The following NAV1 variants were observed in gnomAD, a reference collection of about 807,000 sequenced individuals.
NAV1 encodes the protein pore membrane and/or filament interacting like protein 3.
Under a neutral mutation model 175.2 loss-of-function variants are expected in NAV1, and 18 were observed. That is an observed-to-expected ratio of 0.10 (90% CI 0.07 to 0.15). The LOEUF (loss-of-function observed/expected upper bound fraction) is 0.15, where lower values mean the gene tolerates loss of function less well. Ranked by LOEUF, NAV1 falls within the 10% of genes least tolerant of loss-of-function variation. The pLI is 1.00. For missense variants in NAV1, 1,731 were observed against 2,436.6 expected (o/e 0.71, Z 6.10); for synonymous variants, 897 against 978.7 (o/e 0.92, Z 1.56).
At chr1:201,550,876 G>C (rs1211776265) in intron 1 of NAV1, among the ~76,000 whole-genome samples, 1 of 152,228 alleles carries the variant, frequency 6.6e-6, no homozygotes, top group African/African-American at 2.4e-5. Context: ...ACCTGACCCA[G>C]AGGATGGAGG....
chr1:201,749,120 C>G (rs1229772527), intron 3 of NAV1, among the ~76,000 whole-genome samples: 1 of 152,122 alleles, frequency 6.6e-6, no homozygotes, highest in Non-Finnish European at 1.5e-5. Flanking sequence ...TGCACTCCAG[C>G]CTGGGCAACA....
chr1:201,637,075 G>A (rs1314766591), intron 2 of NAV1, among the ~76,000 whole-genome samples: 1 of 152,180 alleles, frequency 6.6e-6, no homozygotes, highest in Non-Finnish European at 1.5e-5. Flanking sequence ...ATTGAAATAT[G>A]AGTCCATGGC....
intron 3 of NAV1, among the ~76,000 whole-genome samples, chr1:201,749,611 A>G (rs1673979485): frequency 1.3e-5 from 2 of 152,270 alleles, no homozygotes; most frequent in African/African-American, 2.4e-5. Flanking sequence ...CTTGGATAAT[A>G]TAATTATTAC....
At chr1:201,753,973 G>A (rs984504966) in intron 3 of NAV1, among the ~76,000 whole-genome samples, 4 of 152,222 alleles carry the variant, frequency 2.6e-5, no homozygotes, top group African/African-American at 4.8e-5. Flanking sequence ...GAAGGGGAAA[G>A]TGAAGGAAAG....
At chr1:201,608,817 C>T (rs1667765914) in intron 2 of NAV1, among the ~76,000 whole-genome samples, 1 of 152,168 alleles carries the variant, frequency 6.6e-6, no homozygotes, top group Non-Finnish European at 1.5e-5. Flanking sequence ...GACTACCACA[C>T]GAATGTGCTG....
chr1:201,605,358 G>GA (rs1226951701), intron 2 of NAV1, among the ~76,000 whole-genome samples: 1 of 151,554 alleles, frequency 6.6e-6, no homozygotes, highest in Non-Finnish European at 1.5e-5. Flanking sequence ...CCAAAAGAGA[G>GA]AAAAAAAAGT....
chr1:201,541,372 C>G (rs1258012317), intron 1 of NAV1, among the ~76,000 whole-genome samples: 1 of 152,166 alleles, frequency 6.6e-6, no homozygotes, highest in Non-Finnish European at 1.5e-5. Context: ...CCCTCTACTT[C>G]TTTTTCCCTC....
chr1:201,767,759 C>T (rs1350833712), intron 3 of NAV1, among the ~76,000 whole-genome samples: 1 of 152,116 alleles, frequency 6.6e-6, no homozygotes, highest in Non-Finnish European at 1.5e-5. Context: ...TGGAACATCA[C>T]TTGCTAATTT....
intron 2 of NAV1, among the ~76,000 whole-genome samples, chr1:201,617,324 T>C (rs1668034201): frequency 6.6e-6 from 1 of 152,072 alleles, no homozygotes; most frequent in Admixed American, 6.6e-5. Flanking sequence ...CCTCCAGCTC[T>C]ACCCCTAAAC....
intron 1 of NAV1, among the ~76,000 whole-genome samples, chr1:201,628,619 C>A (rs959075147): frequency 2.0e-5 from 3 of 152,216 alleles, no homozygotes; most frequent in Non-Finnish European, 4.4e-5. Flanking sequence ...CTCCCCTCCC[C>A]CTCCTGCCAA....
chr1:201,817,202 G>A lies in NAV1; in HGVS notation c.5455G>A (p.Val1819Met), dbSNP rs147243092. 6.4e-4 allele frequency: 1,026 copies of A among 1,613,956 alleles called. 3 individuals are homozygous for A. Among genetic ancestry groups the A allele is most frequent in the Non-Finnish European group, 8.2e-4 (970 of 1,180,006 alleles). ...GCTGTACCACCTGCCCCCACCCACC[G>A]TGGGCCCTCACAGCATTGCCTCACC... The change falls in exon 29 of 30, where the codon GTG becomes ATG. Residue 1819 changes from valine (V) to methionine (M), a missense_variant. Val to Met is a conservative substitution (Grantham distance 21). Around this residue, in one of 13 missense-constraint regions of NAV1, gnomAD observed 30 missense variants for 97.3 expected, o/e 0.31. Transcript: ENST00000367296.
rs150659355 is a variant in NAV1 at position 201,734,675 on chromosome 1, C to T, written c.1226+15920C>T. Among the ~76,000 whole-genome samples the T allele has an allele frequency of 8.7e-4, 133 of 152,172 alleles. 1 individual carries two copies. The East Asian group carries it at 0.012, about 14-fold the overall frequency. On this transcript the variant is annotated intron_variant, in intron 3 of 29. Transcript: ENST00000367296. Reference sequence around the variant, plus strand: ...GATCTGAAATGATTGCTCCTGGCCTCTCGAGGTGGAGGGTTTGTACACACA... The same window carrying T: ...GATCTGAAATGATTGCTCCTGGCCTTTCGAGGTGGAGGGTTTGTACACACA...
chr1:201,743,952 T>G (rs1344968536), intron 3 of NAV1, among the ~76,000 whole-genome samples: 1 of 152,222 alleles, frequency 6.6e-6, no homozygotes. Context: ...TGGCATGATC[T>G]CAGCTCACCG....
chr1:201,756,046 GC>G (rs1674438436), intron 3 of NAV1, among the ~76,000 whole-genome samples: 2 of 150,536 alleles, frequency 1.3e-5, no homozygotes, highest in African/African-American at 4.9e-5. Flanking sequence ...GTCAGAGGTT[GC>G]AGTGAGCTGA....
At position 201,654,145 on chromosome 1, in the gene NAV1, A is replaced by G. The variant is rs1669309396; in HGVS notation, c.757+4720A>G. Among the ~76,000 whole-genome samples the G allele has an allele frequency of 2.6e-5, 4 of 152,168 alleles. No individual in the cohort carries two copies. The South Asian group carries it at 8.3e-4, about 32-fold the overall frequency. On this transcript the variant is annotated intron_variant, in intron 1 of 29. Coordinates refer to ENST00000367296, the Ensembl canonical transcript of NAV1. ...TTCCTCTGCCCTGGGGAGAAGGTAC[A>G]GATGGAGGAGAAGTACCCAGAGCTA...
chr1:201,563,276 C>T (rs2148619), intron 1 of NAV1, among the ~76,000 whole-genome samples: 29,127 of 151,954 alleles, frequency 0.19, 4,116 homozygotes, highest in African/African-American at 0.38. Flanking sequence ...GAAGAGCGTC[C>T]GGACGCCGGG....
chr1:201,623,265 G>C, exon 1 of NAV1: 1 of 986,096 alleles, frequency 1.0e-6, no homozygotes, highest in Non-Finnish European at 1.2e-6. Context: ...AAGGCACCCA[G>C]GGAAAGAAGA....
chr1:201,659,106 C>T (rs1669514032), intron 1 of NAV1, among the ~76,000 whole-genome samples: 1 of 152,218 alleles, frequency 6.6e-6, no homozygotes, highest in Admixed American at 6.5e-5. Context: ...TCCCACAACC[C>T]ACAGCAAAGC....
intron 1 of NAV1, among the ~76,000 whole-genome samples, chr1:201,701,958 G>A (rs1671445030): frequency 6.6e-6 from 1 of 152,162 alleles, no homozygotes; most frequent in Non-Finnish European, 1.5e-5. Context: ...ATTCATACTA[G>A]GCCAAAAGTT....
Sources: allele counts gnomAD v4.1 joint callset (sites outside exome capture counted in the v4.1 genomes callset), GRCh38; gene constraint gnomAD v4.1.1; regional missense constraint gnomAD v4.1.1; transcripts MANE v1.5; gene names NCBI Gene and HGNC (gene_info 2026-07-23, HGNC 2026-07-21).